NUBPL: variants seen among roughly 807,000 people sequenced by gnomAD.
NUBPL encodes the protein iron-sulfur cluster transfer protein NUBPL.
In NUBPL, 31 loss-of-function variants were observed where a neutral mutation model predicts 45.7. The ratio of observed to expected loss-of-function variants is 0.68; its 90% CI spans 0.51 to 0.92. The LOEUF (loss-of-function observed/expected upper bound fraction) is 0.92. Among genes scored for constraint, NUBPL ranks in the 40% least tolerant of loss-of-function variants. The pLI is 0.00. For synonymous variants in NUBPL, 144 were observed against 140.9 expected (o/e 1.02, Z -0.15); for missense variants, 401 against 398.7 (o/e 1.01, Z -0.05).
chr14:31,790,381 T>C (rs921275493), intron 7 of NUBPL, among the ~76,000 whole-genome samples: 7 of 152,232 alleles, frequency 4.6e-5, no homozygotes, highest in African/African-American at 1.7e-4. Context: ...GAGTCTGCCA[T>C]GTAATAGGCA....
intron 4 of NUBPL, among the ~76,000 whole-genome samples, chr14:31,628,307 A>T (rs1226083680): frequency 1.3e-5 from 2 of 152,200 alleles, no homozygotes; most frequent in Non-Finnish European, 2.9e-5. Context: ...GCATGATTTT[A>T]TAACATCATG....
intron 4 of NUBPL, chr14:31,654,272 AATGCTAATGATCAT>A: frequency 3.8e-6 from 1 of 261,884 alleles, no homozygotes; most frequent in Admixed American, 4.0e-5. Flanking sequence ...ATTACTTAAA[AATGCTAATGATCAT>A]TAGCCTTCAG....
chr14:31,819,194 T>G (rs1316078651), intron 7 of NUBPL, among the ~76,000 whole-genome samples: 2 of 152,202 alleles, frequency 1.3e-5, no homozygotes, highest in Non-Finnish European at 2.9e-5. Context: ...CAATCTACTT[T>G]ATAGTTAATA....
At chr14:31,606,023 A>G (rs1024214054) in intron 4 of NUBPL, among the ~76,000 whole-genome samples, 7 of 57,312 alleles carry the variant, frequency 1.2e-4, no homozygotes, top group Non-Finnish European at 2.2e-4. Flanking sequence ...CTCCTCCCTC[A>G]CTCCTTCTCC....
chr14:31,846,494 G>A lies in NUBPL; in HGVS notation c.717G>A (p.Met239Ile), dbSNP rs1245996561. 3.7e-6 allele frequency: 6 copies of A among 1,612,628 alleles called. No homozygotes were observed. Among genetic ancestry groups the A allele is most frequent in the Non-Finnish European group, 5.1e-6 (6 of 1,179,252 alleles). Reference protein sequence around the residue: ...HVPVLGLVQNMSVFQCPKCKH... With the variant: ...HVPVLGLVQNISVFQCPKCKH... ...AGGTCCTTGGCCTTGTCCAAAACAT[G>A]AGTGTTTTCCAGTGTCCAAAATGTA... Residue 239 changes from methionine to isoleucine, a missense_variant, in exon 9 of 11, where the codon ATG (methionine) becomes ATA (isoleucine). Met to Ile is a conservative substitution (Grantham distance 10, BLOSUM62 1). Coordinates refer to ENST00000281081, the MANE Select transcript of NUBPL (RefSeq NM_025152.3).
Position 31,589,728 on chromosome 14 carries a change from GCTCCCCCGTC to G in NUBPL, c.292-9559_292-9550del. Among the ~76,000 whole-genome samples, 8 of 152,038 alleles carry G rather than the reference GCTCCCCCGTC, an allele frequency of 5.3e-5. 2 individuals are homozygous for G. Among genetic ancestry groups the G allele is most frequent in the Admixed American group, 5.2e-4 (8 of 15,276 alleles). On this transcript the variant is annotated intron_variant, in intron 3 of 10. Coordinates refer to ENST00000281081, the MANE Select transcript of NUBPL (RefSeq NM_025152.3). ...TCAGATAGGTAAAAATCACCAAACT[GCTCCCCCGTC>G]CAACCCCTGCCATATTTTCTGCATG...
intron 6 of NUBPL, among the ~76,000 whole-genome samples, chr14:31,715,358 T>C (rs2139935165): frequency 6.6e-6 from 1 of 152,322 alleles, no homozygotes; most frequent in East Asian, 1.9e-4. Context: ...TACAGTCATG[T>C]TTTGCTTAAC....
intron 6 of NUBPL, among the ~76,000 whole-genome samples, chr14:31,711,249 G>A (rs868816248): frequency 9.9e-5 from 15 of 152,262 alleles, no homozygotes; most frequent in Middle Eastern, 3.4e-3. Flanking sequence ...GTGGAAGCTG[G>A]TTCTAGGCAA....
chr14:31,670,617 A>C (rs1365499112), intron 4 of NUBPL, among the ~76,000 whole-genome samples: 2 of 152,162 alleles, frequency 1.3e-5, no homozygotes, highest in Admixed American at 1.3e-4. Context: ...TTTTACATTT[A>C]AGTCTTTAAT....
chr14:31,806,156 C>T (rs1274003805), intron 7 of NUBPL, among the ~76,000 whole-genome samples: 3 of 152,226 alleles, frequency 2.0e-5, no homozygotes, highest in Non-Finnish European at 4.4e-5. Context: ...CTGAAGAATG[C>T]CTTCACATCT....
intron 6 of NUBPL, among the ~76,000 whole-genome samples, chr14:31,731,911 G>A (rs1483521816): frequency 6.6e-6 from 1 of 152,040 alleles, no homozygotes; most frequent in African/African-American, 2.4e-5. Context: ...GCTTTGAAAA[G>A]GGAACTGGAG....
Position 31,852,150 on chromosome 14 carries a change from A to G in NUBPL, c.897+1949A>G, listed in dbSNP as rs547674874. Among the ~76,000 whole-genome samples the G allele has an allele frequency of 7.9e-5, 12 of 152,344 alleles. 1 individual carries two copies. The highest frequency in any genetic ancestry group is 1.3e-4 in the Non-Finnish European group (9 of 68,036). ...CTAACCTCTCTGAACCTTTCTCTCCATCTATAAATTGATGTCATAATGAGG... is the reference window on the plus strand; with the variant it reads ...CTAACCTCTCTGAACCTTTCTCTCCGTCTATAAATTGATGTCATAATGAGG... On this transcript the variant is annotated intron_variant, in intron 10 of 10. Coordinates refer to ENST00000281081, the MANE Select transcript of NUBPL (RefSeq NM_025152.3).
chr14:31,614,760 A>G (rs144610328), intron 4 of NUBPL, among the ~76,000 whole-genome samples: 4 of 152,314 alleles, frequency 2.6e-5, no homozygotes, highest in African/African-American at 9.6e-5. Context: ...ATGGTTATCA[A>G]ATCAGATTTG....
chr14:31,694,585 A>C (rs934742790), intron 6 of NUBPL, among the ~76,000 whole-genome samples: 6 of 152,054 alleles, frequency 3.9e-5, no homozygotes, highest in Non-Finnish European at 7.4e-5. Flanking sequence ...GCGTGATCTC[A>C]GCTCACTGCA....
chr14:31,627,443 A>C (rs2035233597), intron 4 of NUBPL, among the ~76,000 whole-genome samples: 1 of 152,000 alleles, frequency 6.6e-6, no homozygotes, highest in Non-Finnish European at 1.5e-5. Flanking sequence ...AATATAGTGC[A>C]GTGGTTCTAA....
At chr14:31,693,637 G>A (rs1414522304) in intron 6 of NUBPL, among the ~76,000 whole-genome samples, 1 of 151,634 alleles carries the variant, frequency 6.6e-6, no homozygotes, top group Non-Finnish European at 1.5e-5. Context: ...GTCAGTTTGG[G>A]GCATGTGACC....
intron 3 of NUBPL, among the ~76,000 whole-genome samples, chr14:31,583,773 T>A (rs1156299241): frequency 6.6e-6 from 1 of 152,090 alleles, no homozygotes; most frequent in African/African-American, 2.4e-5. Flanking sequence ...CATGGTGATA[T>A]CTTGGACTGG....
chr14:31,722,758 G>A (rs2037839970), intron 6 of NUBPL, among the ~76,000 whole-genome samples: 2 of 152,078 alleles, frequency 1.3e-5, no homozygotes, highest in Non-Finnish European at 1.5e-5. Flanking sequence ...GTCTGTTCAT[G>A]TCCTTTGCCC....
chr14:31,637,240 C>G (rs571023170), intron 4 of NUBPL, among the ~76,000 whole-genome samples: 1 of 152,306 alleles, frequency 6.6e-6, no homozygotes, highest in Non-Finnish European at 1.5e-5. Context: ...CTATAAATTT[C>G]CCTCTACATA....
Sources: gnomAD v4.1 joint callset for allele counts (sites outside exome capture counted in the v4.1 genomes callset) on GRCh38, gnomAD v4.1.1 for gene constraint, MANE v1.5 for transcripts, NCBI Gene and HGNC (gene_info 2026-07-23, HGNC 2026-07-21) for gene names.